SLCO1A2: variants seen among roughly 807,000 people sequenced by gnomAD.
SLCO1A2 encodes solute carrier organic anion transporter family member 1A2, also known as OATP-1.
A neutral mutation model predicts 69.0 loss-of-function variants in SLCO1A2; 67 were observed. That is an observed-to-expected ratio of 0.97 (90% CI 0.80 to 1.19). The LOEUF is 1.19. SLCO1A2 is among the 50% of genes most tolerant of loss of function. The pLI, the probability that SLCO1A2 is intolerant of heterozygous loss-of-function variation, is 0.00. For synonymous variants in SLCO1A2, 260 were observed against 265.9 expected, an observed-to-expected ratio of 0.98 and a Z score of 0.22; for missense variants, 787 against 793.7, an observed-to-expected ratio of 0.99 and a Z score of 0.10.
intron 10 of SLCO1A2, chr12:21,294,344 A>G (rs1338103963): frequency 3.1e-6 from 1 of 318,198 alleles, no homozygotes; most frequent in Non-Finnish European, 5.7e-6. Flanking sequence ...TAGGCAATAA[A>G]CAAGCATTAA....
intron 3 of SLCO1A2, 54 bp from the exon 4 acceptor site, chr12:21,314,735 A>G (rs1192848289): frequency 3.1e-6 from 4 of 1,298,072 alleles, no homozygotes; most frequent in African/African-American, 2.9e-5. Flanking sequence ...AGTCTTAATT[A>G]AGAGCCTCAC....
At chr12:21,322,678 C>G (rs774168541) in intron 2 of SLCO1A2, among the ~76,000 whole-genome samples, 4 of 151,956 alleles carry the variant, frequency 2.6e-5, no homozygotes, top group Non-Finnish European at 4.4e-5. Context: ...GACTTAAAGT[C>G]TGTGTTGATG....
At chr12:21,347,661 A>AAAG (rs747068510) in intron 2 of SLCO1A2, among the ~76,000 whole-genome samples, 20,783 of 65,810 alleles carry the variant, frequency 0.32, 1,942 homozygotes, top group African/African-American at 0.35. Context: ...AGGAAAGAAG[A>AAAG]AAGAAAGAAA....
At chr12:21,367,564 T>C (rs948916512) in intron 2 of SLCO1A2, among the ~76,000 whole-genome samples, 2 of 151,960 alleles carry the variant, frequency 1.3e-5, no homozygotes, top group African/African-American at 2.4e-5. Flanking sequence ...CTGAGACAAT[T>C]TGCAAGCCTA....
At chr12:21,354,414 A>G (rs752088551) in intron 2 of SLCO1A2, among the ~76,000 whole-genome samples, 2 of 152,174 alleles carry the variant, frequency 1.3e-5, no homozygotes, top group South Asian at 4.1e-4. Context: ...TTAGGTGACA[A>G]TAAGTAAAGC....
At chr12:21,313,428 C>T (rs531450233) in intron 4 of SLCO1A2, among the ~76,000 whole-genome samples, 4 of 152,266 alleles carry the variant, frequency 2.6e-5, no homozygotes, top group Non-Finnish European at 5.9e-5. Flanking sequence ...AATACAGAGG[C>T]AAGGCTTGGC....
chr12:21,331,881 G>A (rs898070480), intron 2 of SLCO1A2, among the ~76,000 whole-genome samples: 1 of 152,074 alleles, frequency 6.6e-6, no homozygotes, highest in Non-Finnish European at 1.5e-5. Context: ...AAATTTAGGG[G>A]ATTGGGGATT....
chr12:21,320,998 C>T, intron 2 of SLCO1A2, among the ~76,000 whole-genome samples: 1 of 152,164 alleles, frequency 6.6e-6, no homozygotes, highest in East Asian at 1.9e-4. Flanking sequence ...ACTGTTTAAC[C>T]TTCCATCCAC....
intron 9 of SLCO1A2, among the ~76,000 whole-genome samples, chr12:21,296,190 G>T (rs1027531875): frequency 5.3e-5 from 8 of 152,050 alleles, no homozygotes; most frequent in Non-Finnish European, 1.5e-5. Context: ...CAATTTTTCA[G>T]TTACCTATCC....
At chr12:21,329,117 T>C (rs2136929250) in intron 2 of SLCO1A2, among the ~76,000 whole-genome samples, 1 of 152,330 alleles carries the variant, frequency 6.6e-6, no homozygotes, top group Admixed American at 6.5e-5. Context: ...GATTTGTGAA[T>C]CCTGCATCAA....
upstream of SLCO1A2, among the ~76,000 whole-genome samples, chr12:21,339,333 TAGAA>T (rs1167972264): frequency 6.6e-6 from 1 of 151,926 alleles, no homozygotes; most frequent in East Asian, 1.9e-4. Flanking sequence ...AGCTAAGTAA[TAGAA>T]AGAGGTGATT....
In SLCO1A2 at chr12:21,267,689, T is replaced by C. The variant is rs1274772842; in HGVS notation, c.*1859A>G. ...TCAGAAATGAGCATTCTCTTCACCA[T>C]CGCACACTCAGCAAAATCTGATTCC... On this transcript the variant is annotated 3_prime_UTR_variant, in exon 15 of 15. Transcript: ENST00000683939. The C allele has an allele frequency of 6.6e-6, 1 of 152,146 alleles. No individual in the cohort carries two copies. Among genetic ancestry groups the C allele is most frequent in the Non-Finnish European group, 1.5e-5 (1 of 68,052 alleles). 9.4% of individuals were successfully genotyped at this position (152,146 alleles called of 1,614,324 possible).
At chr12:21,377,711 A>C (rs1940304497) in intron 1 of SLCO1A2, among the ~76,000 whole-genome samples, 1 of 152,206 alleles carries the variant, frequency 6.6e-6, no homozygotes. Flanking sequence ...CTCAAGGTTC[A>C]TCCGTGTGTT....
intron 1 of SLCO1A2, among the ~76,000 whole-genome samples, chr12:21,375,129 T>G (rs1940095998): frequency 6.6e-6 from 1 of 152,208 alleles, no homozygotes. Context: ...ATTATGTTTT[T>G]ATAGATGTTT....
chr12:21,295,912 G>A (rs1279878241), intron 9 of SLCO1A2, 120 bp from the exon 10 acceptor site: 1 of 599,472 alleles, frequency 1.7e-6, no homozygotes, highest in African/African-American at 1.9e-5. Flanking sequence ...TAGTGAAGAA[G>A]AATGATTTAA....
chr12:21,297,631 T>C (rs1947934836), intron 8 of SLCO1A2, 63 bp from the exon 9 acceptor site: 1 of 1,028,056 alleles, frequency 9.7e-7, no homozygotes. Context: ...GACTGGCTTT[T>C]CCTGAAACAT....
chr12:21,408,266 G>C (rs901218544), intron 1 of SLCO1A2, among the ~76,000 whole-genome samples: 1 of 151,990 alleles, frequency 6.6e-6, no homozygotes, highest in African/African-American at 2.4e-5. Context: ...ATGTCCCTTA[G>C]TCATAAAAAC....
At chr12:21,329,919 C>T (rs954481105) in intron 2 of SLCO1A2, among the ~76,000 whole-genome samples, 7 of 151,482 alleles carry the variant, frequency 4.6e-5, no homozygotes, top group African/African-American at 1.5e-4. Context: ...TGTTAAACTA[C>T]TGGAGGTAAT....
At chr12:21,310,487 C>T (rs1412045371) in intron 4 of SLCO1A2, among the ~76,000 whole-genome samples, 1 of 152,230 alleles carries the variant, frequency 6.6e-6, no homozygotes. Context: ...GTAGCGGCTG[C>T]TGAAGGTTGT....
Sources: gnomAD v4.1 joint callset for allele counts (sites outside exome capture counted in the v4.1 genomes callset) on GRCh38, gnomAD v4.1.1 for gene constraint, MANE v1.5 for transcripts, NCBI Gene and HGNC (gene_info 2026-07-23, HGNC 2026-07-21) for gene names.